LYRM4: variants seen among roughly 807,000 people sequenced by gnomAD.
LYRM4 encodes LYR motif-containing protein 4.
LYRM4 carries 9 observed loss-of-function variants against 11.7 expected under a neutral mutation model. The ratio of observed to expected loss-of-function variants is 0.77; its 90% CI spans 0.46 to 1.34. The LOEUF is 1.34. LYRM4 is among the 40% of genes most tolerant of loss of function. The pLI, the probability that LYRM4 is intolerant of heterozygous loss-of-function variation, is 0.00. For missense variants in LYRM4, 133 were observed against 112.5 expected (o/e 1.18, Z -0.82); for synonymous variants, 42 against 40.4 (o/e 1.04, Z -0.15).
At chr6:5,076,261 C>T in the LYRM4 span, among the ~76,000 whole-genome samples, 7 of 151,556 alleles carry the variant, frequency 4.6e-5, no homozygotes, top group African/African-American at 1.7e-4. Flanking sequence ...TTTTTTTCCA[C>T]ATAACTATTC....
At chr6:5,074,946 T>C in the LYRM4 span, among the ~76,000 whole-genome samples, 1 of 152,172 alleles carries the variant, frequency 6.6e-6, no homozygotes, top group East Asian at 1.9e-4. Context: ...GGATTTCTCA[T>C]AACTGGTTTA....
chr6:5,054,592 AGC>A, the LYRM4 span, among the ~76,000 whole-genome samples: 1 of 152,152 alleles, frequency 6.6e-6, no homozygotes, highest in Admixed American at 6.5e-5. Flanking sequence ...TAAAACTCTA[AGC>A]GCCCCCAACC....
At chr6:5,098,498 G>A in the LYRM4 span, among the ~76,000 whole-genome samples, 1 of 152,186 alleles carries the variant, frequency 6.6e-6, no homozygotes, top group Admixed American at 6.5e-5. Context: ...ATGCAAACCT[G>A]TTTGGCAGTA....
chr6:5,256,085 A>G lies in LYRM4; in HGVS notation c.86+4563T>C, dbSNP rs1489639564. 2.6e-5 allele frequency among the ~76,000 whole-genome samples: 4 copies of G among 152,006 alleles called. No individual in the cohort carries two copies. The South Asian group carries it at 8.3e-4, about 32-fold the overall frequency. Reference sequence around the variant, plus strand: ...GGCCCAAAAGGTTGGTCATGCCAAGATTGAGAAATCCTAGTTTAAGGTGAG... The same window carrying G: ...GGCCCAAAAGGTTGGTCATGCCAAGGTTGAGAAATCCTAGTTTAAGGTGAG... On this transcript the variant is annotated intron_variant, in intron 1 of 2. Transcript: ENST00000330636.
chr6:5,114,642 G>A (rs530899242), intron 2 of LYRM4, among the ~76,000 whole-genome samples: 3 of 152,150 alleles, frequency 2.0e-5, no homozygotes, highest in East Asian at 3.9e-4. Context: ...CTTTAAATCA[G>A]GGGTGTCCAA....
At chr6:5,138,583 TA>T (rs1757238919) in intron 2 of LYRM4, 2 of 490,920 alleles carry the variant, frequency 4.1e-6, no homozygotes, top group Non-Finnish European at 6.4e-6. Flanking sequence ...CTGTTTTTTT[TA>T]TGAATGATTT....
intron 2 of LYRM4, among the ~76,000 whole-genome samples, chr6:5,155,493 T>C (rs974902095): frequency 8.5e-5 from 13 of 152,208 alleles, no homozygotes; most frequent in Non-Finnish European, 1.0e-4. Context: ...CAGAAGGAAA[T>C]TACTGATGCT....
chr6:5,246,055 A>T (rs1273267774), intron 1 of LYRM4, among the ~76,000 whole-genome samples: 2 of 152,108 alleles, frequency 1.3e-5, no homozygotes, highest in Non-Finnish European at 2.9e-5. Context: ...AAAAAAAGGG[A>T]GCAGGGTGGT....
intron 2 of LYRM4, among the ~76,000 whole-genome samples, chr6:5,185,410 C>T (rs1255985511): frequency 6.6e-6 from 1 of 152,176 alleles, no homozygotes; most frequent in Non-Finnish European, 1.5e-5. Context: ...CTTCTGTAGA[C>T]ATACCAACAA....
chr6:5,105,852 C>T (rs1389982248), downstream of LYRM4: 4 of 153,936 alleles, frequency 2.6e-5, no homozygotes, highest in African/African-American at 7.2e-5. Context: ...CCTCATCTTG[C>T]CTAAAAACTC....
intron 2 of LYRM4, among the ~76,000 whole-genome samples, chr6:5,185,263 A>G (rs1308582484): frequency 6.6e-6 from 1 of 152,208 alleles, no homozygotes; most frequent in African/African-American, 2.4e-5. Context: ...CTAAACAATG[A>G]CCAAGCATCT....
intron 2 of LYRM4, among the ~76,000 whole-genome samples, chr6:5,169,691 T>C (rs1316052864): frequency 1.3e-5 from 2 of 152,230 alleles, no homozygotes. Flanking sequence ...GATTCTTGTC[T>C]TGGGATACAA....
chr6:5,197,655 C>T lies in LYRM4; in HGVS notation c.207+18963G>A, dbSNP rs1014154046. 4.6e-5 allele frequency among the ~76,000 whole-genome samples: 7 copies of T among 152,138 alleles called. No homozygotes were observed. In the South Asian group the frequency reaches 1.0e-3, roughly 23 times the overall value. ...TGCCACTGCACTCCAACTTGGGTGA[C>T]AGAGTGAGACGCTGCCTCAAAAAAA... On this transcript the variant is annotated intron_variant, in intron 2 of 2. Coordinates refer to ENST00000330636, the MANE Select transcript of LYRM4 (RefSeq NM_020408.6).
intron 2 of LYRM4, among the ~76,000 whole-genome samples, chr6:5,200,606 CA>C (rs1264838011): frequency 3.3e-5 from 5 of 152,204 alleles, no homozygotes; most frequent in Non-Finnish European, 7.3e-5. Context: ...AAAGTCATCA[CA>C]AAAACCAAAG....
At position 5,229,081 on chromosome 6, in the gene LYRM4, A is replaced by G. The variant is rs533741050; in HGVS notation, c.87-12343T>C. 3.2e-4 allele frequency among the ~76,000 whole-genome samples: 49 copies of G among 152,128 alleles called. 1 individual carries two copies. In the South Asian group the frequency reaches 7.7e-3, roughly 24 times the overall value. On this transcript the variant is annotated intron_variant, in intron 1 of 2. Transcript: ENST00000330636. ...AATAGTACAGTTCCCATGAGAAAATAGGGAACAAGGTTTTAAAAATATTTG... is the reference window on the plus strand; with the variant it reads ...AATAGTACAGTTCCCATGAGAAAATGGGGAACAAGGTTTTAAAAATATTTG...
chr6:5,068,711 G>A, the LYRM4 span, among the ~76,000 whole-genome samples: 4 of 152,188 alleles, frequency 2.6e-5, no homozygotes, highest in East Asian at 3.9e-4. This position sits in a 1 kb window ranked among gnomAD's most constrained non-coding sequence, Gnocchi z 4.0. Flanking sequence ...GGGAAAAAAC[G>A]GTCTATCGGC....
At chr6:5,086,531 T>TAC in the LYRM4 span, 3 of 1,531,504 alleles carry the variant, frequency 2.0e-6, no homozygotes, top group Non-Finnish European at 2.6e-6. Context: ...AACTACACGC[T>TAC]GCGCTACGCG....
In LYRM4 at chr6:5,260,671, C is replaced by G. The variant is rs1561911389; in HGVS notation, c.63G>C (p.Lys21Asn). The change falls in exon 1 of 3, where the codon AAG becomes AAC. Residue 21 changes from lysine (K) to asparagine (N), a missense_variant. By Grantham distance (94) the Lys-to-Asn change is moderately conservative (BLOSUM62 0). Transcript: ENST00000330636. Reference sequence around the variant, plus strand: ...ACCTGTAATTGTAGGCGCTGAAACGCTTGCTCTCTCTCAGCATCGCCCGGT... The same window carrying G: ...ACCTGTAATTGTAGGCGCTGAAACGGTTGCTCTCTCTCAGCATCGCCCGGT... ...SLYRAMLRES[K>N]RFSAYNYRTY... The G allele has an allele frequency of 6.5e-7, 1 of 1,548,000 alleles. No homozygotes were observed. Among genetic ancestry groups the G allele is most frequent in the Non-Finnish European group, 8.7e-7 (1 of 1,147,880 alleles).
At chr6:5,135,780 T>C (rs1757061714) in intron 2 of LYRM4, among the ~76,000 whole-genome samples, 1 of 152,224 alleles carries the variant, frequency 6.6e-6, no homozygotes, top group Non-Finnish European at 1.5e-5. Context: ...TTTATCATTT[T>C]ATTCATTTTA....
Sources: gnomAD v4.1 joint callset for allele counts (sites outside exome capture counted in the v4.1 genomes callset) on GRCh38, gnomAD v4.1.1 for gene constraint, Gnocchi (gnomAD v3.1) non-coding constraint, MANE v1.5 for transcripts, NCBI Gene and HGNC (gene_info 2026-07-23, HGNC 2026-07-21) for gene names.